THRB: variants seen among roughly 807,000 people sequenced by gnomAD.
The protein encoded by THRB is nuclear receptor subfamily 1 group A member 2.
THRB carries 12 observed loss-of-function variants against 47.8 expected under a neutral mutation model. The observed-to-expected ratio is 0.25, with a 90% CI of 0.16 to 0.41. THRB has a LOEUF of 0.41. Among genes scored for constraint, THRB ranks in the 10% least tolerant of loss-of-function variants. The pLI is 1.00. For synonymous variants in THRB, 218 were observed against 212.2 expected (o/e 1.03, Z -0.24); for missense variants, 348 against 589.2 (o/e 0.59, Z 4.24).
intron 1 of THRB, among the ~76,000 whole-genome samples, chr3:24,434,651 G>A (rs565633018): frequency 3.5e-4 from 53 of 152,328 alleles, no homozygotes; most frequent in Admixed American, 8.5e-4. Flanking sequence ...GACATACAGA[G>A]AAAGTGCTAC....
chr3:24,163,161 T>A (rs1158666539), intron 5 of THRB, among the ~76,000 whole-genome samples: 2 of 152,202 alleles, frequency 1.3e-5, no homozygotes, highest in African/African-American at 4.8e-5. Flanking sequence ...CAACCTTTTG[T>A]CCTAAGAGAC....
chr3:24,224,473 G>A (rs550082444), intron 4 of THRB, among the ~76,000 whole-genome samples: 39 of 152,174 alleles, frequency 2.6e-4, no homozygotes, highest in Non-Finnish European at 5.1e-4. Flanking sequence ...TTGAAACCAT[G>A]GAAAGCCATT....
In THRB at chr3:24,224,366, G is replaced by T. The variant is rs192744258; in HGVS notation, c.22+4572C>A. ...GTAGCCATGAACAAATCCCTTTGAG[G>T]AAGCGTGTTTATTGACAGCAGGAAA... On this transcript the variant is annotated intron_variant, in intron 4 of 10. Coordinates refer to ENST00000646209, the MANE Select transcript of THRB (RefSeq NM_001354712.2). 1.1e-3 allele frequency among the ~76,000 whole-genome samples: 165 copies of T among 152,236 alleles called. 1 individual carries two copies. Among genetic ancestry groups the T allele is most frequent in the Middle Eastern group, 6.8e-3 (2 of 294 alleles).
At chr3:24,326,172 A>G (rs953906217) in intron 2 of THRB, among the ~76,000 whole-genome samples, 1 of 152,172 alleles carries the variant, frequency 6.6e-6, no homozygotes. Flanking sequence ...ATGATTGTTC[A>G]CCTTTTTGTG....
intron 2 of THRB, among the ~76,000 whole-genome samples, chr3:24,297,655 T>A (rs1364173356): frequency 6.6e-6 from 1 of 152,252 alleles, no homozygotes; most frequent in Admixed American, 6.5e-5. Context: ...GTTCCCTCAC[T>A]GTTCTCGCCT....
At chr3:24,188,854 C>T (rs1203848644) in intron 5 of THRB, among the ~76,000 whole-genome samples, 2 of 69,630 alleles carry the variant, frequency 2.9e-5, no homozygotes, top group African/African-American at 1.2e-4. Flanking sequence ...CTCAGATCTC[C>T]TCAAATATAT....
chr3:24,132,566 T>C (rs1430270016), intron 9 of THRB, among the ~76,000 whole-genome samples: 2 of 152,218 alleles, frequency 1.3e-5, no homozygotes, highest in Non-Finnish European at 2.9e-5. Flanking sequence ...AGACATTGGG[T>C]AACTTGTTTA....
chr3:24,467,682 G>T (rs1425035991), intron 1 of THRB, among the ~76,000 whole-genome samples: 1 of 152,180 alleles, frequency 6.6e-6, no homozygotes, highest in East Asian at 1.9e-4. Flanking sequence ...TGTTTTTTCT[G>T]AGTAGTAGGT....
chr3:24,213,027 G>C (rs540603984), intron 4 of THRB, among the ~76,000 whole-genome samples: 1 of 152,160 alleles, frequency 6.6e-6, no homozygotes, highest in Non-Finnish European at 1.5e-5. Flanking sequence ...CTGGCGATAC[G>C]GTATGACATG....
At chr3:24,127,929 T>C (rs770252604) in intron 9 of THRB, among the ~76,000 whole-genome samples, 172 bp from the exon 10 acceptor site, 10 of 152,214 alleles carry the variant, frequency 6.6e-5, no homozygotes, top group Non-Finnish European at 1.3e-4. Context: ...TCGACAACCA[T>C]TTTTCATACT....
intron 1 of THRB, among the ~76,000 whole-genome samples, chr3:24,382,723 T>C (rs1481661222): frequency 6.6e-6 from 1 of 152,202 alleles, no homozygotes; most frequent in Non-Finnish European, 1.5e-5. Context: ...TACTAAATAA[T>C]GTGTGCTTCA....
chr3:24,353,706 A>G (rs899692694), intron 1 of THRB, among the ~76,000 whole-genome samples: 1 of 152,148 alleles, frequency 6.6e-6, no homozygotes, highest in Non-Finnish European at 1.5e-5. Flanking sequence ...AAACAAAACA[A>G]AGCAAACAAA....
chr3:24,180,841 A>T (rs2041804984), intron 5 of THRB, among the ~76,000 whole-genome samples: 4 of 152,202 alleles, frequency 2.6e-5, no homozygotes, highest in Admixed American at 2.0e-4. Flanking sequence ...CTGCAATGCC[A>T]CTATCAGAGG....
chr3:24,320,490 C>T (rs996207290), intron 2 of THRB, among the ~76,000 whole-genome samples: 1 of 152,136 alleles, frequency 6.6e-6, no homozygotes, highest in Non-Finnish European at 1.5e-5. Context: ...AGCATCCCAG[C>T]CCTCCCATCA....
Position 24,455,154 on chromosome 3 carries a change from A to G in THRB, c.-261+39498T>C, listed in dbSNP as rs1044956952. ...TTTTTTTAAGGCAGTATTGAGTAGG[A>G]AGTTTACATTGGAGTCTCTCCCTCA... On this transcript the variant is annotated intron_variant, in intron 1 of 10. Coordinates refer to ENST00000646209, the MANE Select transcript of THRB (RefSeq NM_001354712.2). The G allele has an allele frequency of 2.4e-5, 3 of 126,476 alleles. No homozygotes were observed. In the South Asian group the frequency reaches 7.4e-4, roughly 31 times the overall value. The allele number at this position is 126,476 out of a possible 1,614,324, so 7.8% of individuals were successfully genotyped here. A position where few individuals can be genotyped will look rare whatever the true frequency, so the allele number is the denominator to read the frequency against.
At chr3:24,293,435 T>C (rs1056695263) in intron 3 of THRB, among the ~76,000 whole-genome samples, 8 of 152,238 alleles carry the variant, frequency 5.3e-5, no homozygotes, top group Admixed American at 2.0e-4. Flanking sequence ...TCTGTCATTT[T>C]ATTTAAAATT....
chr3:24,213,274 AT>A (rs2046244331), intron 4 of THRB, among the ~76,000 whole-genome samples: 1 of 152,178 alleles, frequency 6.6e-6, no homozygotes, highest in Non-Finnish European at 1.5e-5. Flanking sequence ...AAAAGCCTTT[AT>A]TTAGTTGATT....
chr3:24,292,072 G>T (rs2055980895), intron 3 of THRB, among the ~76,000 whole-genome samples: 1 of 152,072 alleles, frequency 6.6e-6, no homozygotes, highest in Admixed American at 6.6e-5. Context: ...TAAAGTGAAA[G>T]TTATATAGAG....
chr3:24,314,156 G>T (rs1471928525), intron 2 of THRB, among the ~76,000 whole-genome samples: 1 of 152,188 alleles, frequency 6.6e-6, no homozygotes, highest in Non-Finnish European at 1.5e-5. Flanking sequence ...CCATTTCACA[G>T]ATATTTGGCA....
Sources: gnomAD v4.1 joint callset for allele counts (sites outside exome capture counted in the v4.1 genomes callset) on GRCh38, gnomAD v4.1.1 for gene constraint, MANE v1.5 for transcripts, NCBI Gene and HGNC (gene_info 2026-07-23, HGNC 2026-07-21) for gene names.